LEMD3: variants seen among roughly 807,000 people sequenced by gnomAD.
LEMD3 encodes inner nuclear membrane protein Man1.
A neutral mutation model predicts 95.2 loss-of-function variants in LEMD3; 33 were observed. The ratio of observed to expected loss-of-function variants is 0.35; its 90% CI spans 0.26 to 0.46. The LOEUF (loss-of-function observed/expected upper bound fraction) is 0.46, where lower values mean the gene tolerates loss of function less well. Ranked by LOEUF, LEMD3 falls within the 20% of genes least tolerant of loss-of-function variation. LEMD3 has a pLI of 1.00. For synonymous variants in LEMD3, 525 were observed against 474.6 expected (o/e 1.11, Z -1.38); for missense variants, 1,210 against 1,192.8 (o/e 1.01, Z -0.21).
At chr12:65,228,831 G>A (rs902788882) in intron 4 of LEMD3, among the ~76,000 whole-genome samples, 1 of 152,156 alleles carries the variant, frequency 6.6e-6, no homozygotes, top group African/African-American at 2.4e-5. Flanking sequence ...ATTTCTTTGT[G>A]TTGGGAACAT....
At chr12:65,203,745 A>G (rs1008685002) in intron 1 of LEMD3, among the ~76,000 whole-genome samples, 2 of 152,092 alleles carry the variant, frequency 1.3e-5, no homozygotes, top group Admixed American at 6.6e-5. Flanking sequence ...AAGTCTCTAT[A>G]TTAGTGGATT....
At chr12:65,220,486 G>T (rs189897700) in intron 4 of LEMD3, among the ~76,000 whole-genome samples, 2 of 152,016 alleles carry the variant, frequency 1.3e-5, no homozygotes, top group East Asian at 3.9e-4. Flanking sequence ...CAGATATATG[G>T]TTTGCAAATA....
chr12:65,233,494 T>A (rs934235195), intron 4 of LEMD3, among the ~76,000 whole-genome samples: 2 of 152,218 alleles, frequency 1.3e-5, no homozygotes, highest in African/African-American at 4.8e-5. Context: ...GATCATACAA[T>A]TCTTACTGAA....
chr12:65,222,867 A>G (rs1340993889), intron 4 of LEMD3, among the ~76,000 whole-genome samples: 1 of 151,784 alleles, frequency 6.6e-6, no homozygotes, highest in East Asian at 1.9e-4. Flanking sequence ...ATACATTTAT[A>G]ATTTTTCTTT....
At chr12:65,180,330 A>C (rs2336385) in intron 1 of LEMD3, among the ~76,000 whole-genome samples, 43,515 of 150,140 alleles carry the variant, frequency 0.29, 6,419 homozygotes, top group Admixed American at 0.36. Flanking sequence ...CTATGCTTTA[A>C]ACTGCATCAG....
chr12:65,240,259 G>A (rs1384149449), intron 8 of LEMD3, 21 bp downstream of exon 8: 1 of 1,543,258 alleles, frequency 6.5e-7, no homozygotes, highest in Non-Finnish European at 9.0e-7. Flanking sequence ...AGCATTATGA[G>A]TTCAAGTAAA....
chr12:65,241,089 T>TA lies in LEMD3; in HGVS notation c.2305+3dup. On this transcript the variant is annotated splice_region_variant and intron_variant, in intron 9 of 12. Transcript: ENST00000308330. ...CTTCTAAAGTATGGCAAGGTCAAGG[T>TA]ATGTATTTTTAAACATCAAAAAAGT... The TA allele has an allele frequency of 6.2e-7, 1 of 1,612,606 alleles. No individual in the cohort carries two copies. Among genetic ancestry groups the TA allele is most frequent in the Non-Finnish European group, 8.5e-7 (1 of 1,178,680 alleles).
intron 1 of LEMD3, among the ~76,000 whole-genome samples, chr12:65,201,138 G>C (rs1223648908): frequency 2.0e-5 from 3 of 152,112 alleles, no homozygotes; most frequent in Non-Finnish European, 2.9e-5. Context: ...TGGGCTCTCT[G>C]TTCTGTTTCA....
chr12:65,212,466 G>A (rs1036571944), intron 2 of LEMD3, among the ~76,000 whole-genome samples: 1 of 151,238 alleles, frequency 6.6e-6, no homozygotes, highest in Admixed American at 6.6e-5. Flanking sequence ...GAACCCGGGA[G>A]GCGGAGCTTG....
chr12:65,216,468 G>A (rs1471697528), intron 3 of LEMD3, among the ~76,000 whole-genome samples: 3 of 151,948 alleles, frequency 2.0e-5, no homozygotes, highest in African/African-American at 2.4e-5. Flanking sequence ...TTTTCTCTCC[G>A]GATTAATTGC....
chr12:65,231,809 T>G (rs1870639315), intron 4 of LEMD3, among the ~76,000 whole-genome samples: 1 of 151,956 alleles, frequency 6.6e-6, no homozygotes, highest in Non-Finnish European at 1.5e-5. Context: ...ATTATAAATA[T>G]TTTTTTCTAA....
chr12:65,224,453 C>T (rs1180147969), intron 4 of LEMD3, among the ~76,000 whole-genome samples: 2 of 152,074 alleles, frequency 1.3e-5, no homozygotes, highest in Non-Finnish European at 2.9e-5. Flanking sequence ...TGGAAAATTC[C>T]AGAAATAAAA....
In LEMD3 at chr12:65,239,985, G is replaced by C. The variant is rs1460047851; in HGVS notation, c.1978G>C (p.Glu660Gln). ...CATGAAATATCGATGGACAAAAGAAGAGGAGGAAACAAGGCAGATGTATGA... is the reference window on the plus strand; with the variant it reads ...CATGAAATATCGATGGACAAAAGAACAGGAGGAAACAAGGCAGATGTATGA... ...RYMKYRWTKEEEETRQMYDMV... is the reference protein window; with the variant it reads ...RYMKYRWTKEQEETRQMYDMV... Residue 660 changes from glutamate to glutamine, a missense_variant, in exon 7 of 13, where the codon GAG (glutamate) becomes CAG (glutamine). Physicochemically the swap from Glu to Gln is conservative, Grantham distance 29. Around this residue, in one of 2 missense-constraint regions of LEMD3, gnomAD observed 461 missense variants for 569.8 expected, o/e 0.81. Coordinates refer to ENST00000308330, the MANE Select transcript of LEMD3 (RefSeq NM_014319.5). 1 of 1,612,542 alleles carries C rather than the reference G, an allele frequency of 6.2e-7. No homozygotes were observed. The highest frequency in any genetic ancestry group is 8.5e-7 in the Non-Finnish European group (1 of 1,178,692).
chr12:65,214,414 CG>C (rs1870038952), intron 2 of LEMD3, among the ~76,000 whole-genome samples: 1 of 152,006 alleles, frequency 6.6e-6, no homozygotes. Context: ...TATATATATA[CG>C]TAGGAAGGCA....
chr12:65,207,015 C>T (rs1049802390), intron 1 of LEMD3, among the ~76,000 whole-genome samples: 2 of 151,876 alleles, frequency 1.3e-5, no homozygotes, highest in Non-Finnish European at 2.9e-5. Flanking sequence ...AATTGTTTAC[C>T]TCAAGGAAGC....
In LEMD3 at chr12:65,169,931, C is replaced by T. The variant is rs1868462017; in HGVS notation, c.335C>T (p.Ala112Val). ...CCTGGGGGCCTGTGCCGAATCTCGG[C>T]CTCTGGCCCAGAGAGCCTCCTGGGA... The part of the protein sequence containing the change: ...RTPGGLCRIS[A>V]SGPESLLGGP... Residue 112 changes from alanine to valine, a missense_variant, in exon 1 of 13, where the codon GCC (alanine) becomes GTC (valine). Ala to Val is a moderately conservative substitution (Grantham distance 64, BLOSUM62 0). This residue lies in a region of LEMD3 where 749 missense variants were observed against 622.9 expected (regional missense o/e 1.20). Transcript: ENST00000308330. The T allele has an allele frequency of 6.9e-6, 10 of 1,449,320 alleles. No individual in the cohort carries two copies. Among genetic ancestry groups the T allele is most frequent in the Non-Finnish European group, 9.0e-6 (10 of 1,106,548 alleles). 89.8% of individuals were successfully genotyped at this position (1,449,320 alleles called of 1,614,324 possible). A position where few individuals can be genotyped will look rare whatever the true frequency, so the allele number is the denominator to read the frequency against.
chr12:65,197,257 C>G (rs1391729396), intron 1 of LEMD3, among the ~76,000 whole-genome samples: 1 of 152,180 alleles, frequency 6.6e-6, no homozygotes, highest in East Asian at 1.9e-4. Context: ...GGCTGAAGCA[C>G]ATGTTTATTG....
Position 65,169,978 on chromosome 12 carries a change from GC to G in LEMD3, c.387del (p.Ala130ArgfsTer53). The G allele has an allele frequency of 1.4e-6, 2 of 1,466,100 alleles. No homozygotes were observed. Among genetic ancestry groups the G allele is most frequent in the South Asian group, 1.4e-5 (1 of 72,506 alleles). 90.8% of individuals were successfully genotyped at this position (1,466,100 alleles called of 1,614,324 possible). On this transcript the variant is annotated frameshift_variant, in exon 1 of 13. Transcript: ENST00000308330. LOFTEE classifies it high-confidence loss of function. ...GGGAGGGCCCGGGGGCGCCTCCGCC[GC>G]CCCCGCGGCTGGCAGCAAAGTGCTG... is the stretch of plus-strand genomic sequence containing the variant. ...LLGGPGGASAAPAAGSKVLLG... is the reference protein window; with the variant it reads ...LLGGPGGASAXPAAGSKVLLG...
chr12:65,200,806 T>C (rs1869575618), intron 1 of LEMD3, among the ~76,000 whole-genome samples: 1 of 152,176 alleles, frequency 6.6e-6, no homozygotes, highest in African/African-American at 2.4e-5. Context: ...CAGAAATTTT[T>C]TAATGTGAAT....
Sources: allele counts gnomAD v4.1 joint callset (sites outside exome capture counted in the v4.1 genomes callset), GRCh38; gene constraint gnomAD v4.1.1; regional missense constraint gnomAD v4.1.1; transcripts MANE v1.5; gene names NCBI Gene and HGNC (gene_info 2026-07-23, HGNC 2026-07-21).